Variants in ZNF846 observed in about 807,000 individuals in gnomAD.
ZNF846 encodes the protein zinc finger protein 420 pseudogene.
ZNF846 carries 15 observed loss-of-function variants against 16.0 expected under a neutral mutation model. The observed-to-expected ratio is 0.94, with a 90% CI of 0.63 to 1.45. The LOEUF (loss-of-function observed/expected upper bound fraction) is 1.45. Among genes scored for constraint, ZNF846 ranks in the 40% most tolerant of loss-of-function variants. The probability of loss-of-function intolerance (pLI) is 0.00; values close to 1 mark genes in which losing one functional copy is unlikely to be tolerated. For missense variants in ZNF846, 714 were observed against 622.3 expected (o/e 1.15, Z -1.57); for synonymous variants, 229 against 212.0 (o/e 1.08, Z -0.70).
intron 1 of ZNF846, chr19:9,774,463 G>A (rs1170974925): frequency 3.1e-5 from 25 of 793,848 alleles, no homozygotes; most frequent in African/African-American, 3.5e-5. Context: ...GCAAGACTCC[G>A]TCTCAAAAAA....
chr19:9,775,018 A>G (rs2045424290), intron 1 of ZNF846: 2 of 1,477,542 alleles, frequency 1.4e-6, no homozygotes, highest in East Asian at 2.3e-5. Flanking sequence ...GTGCATTCAG[A>G]CACCCGGCAA....
chr19:9,758,218 A>G (rs748592987), exon 6 of ZNF846: 2 of 1,612,922 alleles, frequency 1.2e-6, no homozygotes, highest in South Asian at 2.2e-5. Context: ...GCTTTCCCAC[A>G]CTCTTTACAT....
At chr19:9,754,616 T>C (rs1252200565), downstream of ZNF846, among the ~76,000 whole-genome samples, 1 of 147,144 alleles carries the variant, frequency 6.8e-6, no homozygotes, top group Admixed American at 6.7e-5. Context: ...TTGGATTGTG[T>C]ATTTTAATCC....
At chr19:9,783,542 A>ATATATATATATAT (rs61553274) in intron 1 of ZNF846, among the ~76,000 whole-genome samples, 38 of 118,382 alleles carry the variant, frequency 3.2e-4, no homozygotes, top group African/African-American at 1.4e-3. Context: ...AAAAAAAAAA[A>ATATATATATATAT]AAATATATAT....
At chr19:9,766,044 T>A (rs2045310340) in intron 1 of ZNF846, among the ~76,000 whole-genome samples, 1 of 152,216 alleles carries the variant, frequency 6.6e-6, no homozygotes, top group Non-Finnish European at 1.5e-5. Context: ...TCTGGCTTCT[T>A]TCAGTCAGCA....
In ZNF846 at chr19:9,763,761, TC is replaced by T. The variant is rs533874487; in HGVS notation, c.16-354del. On this transcript the variant is annotated intron_variant, in intron 2 of 5. Coordinates refer to ENST00000397902, the Ensembl canonical transcript of ZNF846. ...CACAAATTCCTTCAGATTAGACATCTCCATCCCTTTCTTACAATCTGTCATA... is the reference window on the plus strand; with the variant it reads ...CACAAATTCCTTCAGATTAGACATCTCATCCCTTTCTTACAATCTGTCATA... 5.6e-3 allele frequency among the ~76,000 whole-genome samples: 853 copies of T among 152,310 alleles called. 5 individuals carry two copies. Among genetic ancestry groups the T allele is most frequent in the Non-Finnish European group, 7.3e-3 (495 of 68,026 alleles).
downstream of ZNF846, among the ~76,000 whole-genome samples, chr19:9,754,372 T>C (rs902253709): frequency 6.6e-6 from 1 of 151,224 alleles, no homozygotes; most frequent in Non-Finnish European, 1.5e-5. Context: ...TGAGACAGCC[T>C]GGTCAACATG....
At chr19:9,754,563 T>TCAAAAAAAAAAAAA (rs776769152), downstream of ZNF846, among the ~76,000 whole-genome samples, 76 of 83,750 alleles carry the variant, frequency 9.1e-4, 3 homozygotes, top group Middle Eastern at 5.0e-3. Flanking sequence ...AGACTCTGTC[T>TCAAAAAAAAAAAAA]TAAAAAAAAA....
At chr19:9,752,391 T>G (rs2045091249) in exon 6 of ZNF846, 1 of 344,386 alleles carries the variant, frequency 2.9e-6, no homozygotes, top group African/African-American at 2.2e-5. Flanking sequence ...GTGGATCACC[T>G]GAAGTCAGGA....
upstream of ZNF846, among the ~76,000 whole-genome samples, chr19:9,770,020 A>G (rs1568327659): frequency 6.6e-6 from 1 of 151,968 alleles, no homozygotes; most frequent in Non-Finnish European, 1.5e-5. Context: ...AATCCATAAA[A>G]TGCTCTGTGC....
intron 5 of ZNF846, among the ~76,000 whole-genome samples, chr19:9,759,123 A>G (rs962986328): frequency 2.0e-5 from 3 of 151,730 alleles, no homozygotes; most frequent in Non-Finnish European, 4.4e-5. Flanking sequence ...TCAGCCTCCC[A>G]AGTAGCTAGG....
intron 4 of ZNF846, 143 bp from the exon 5 acceptor site, chr19:9,760,085 A>C (rs779734532): frequency 1.7e-6 from 1 of 573,530 alleles, no homozygotes; most frequent in Non-Finnish European, 3.1e-6. Context: ...TGAGGTTAGG[A>C]GTTCAAGACC....
chr19:9,765,053 G>A lies in ZNF846; in HGVS notation c.-85-18C>T. The A allele has an allele frequency of 7.8e-7, 1 of 1,289,120 alleles. No individual in the cohort carries two copies. The highest frequency in any genetic ancestry group is 1.1e-6 in the Non-Finnish European group (1 of 886,418). 79.9% of individuals were successfully genotyped at this position (1,289,120 alleles called of 1,614,324 possible). A position where few individuals can be genotyped will look rare whatever the true frequency, so the allele number is the denominator to read the frequency against. On this transcript the variant is annotated intron_variant, in intron 1 of 5. Coordinates refer to ENST00000397902, the Ensembl canonical transcript of ZNF846. ...AAAATGACCTTTGGAAAAGAATAATGGCATGTCAGTTGGATACATCAAAGA... is the reference window on the plus strand; with the variant it reads ...AAAATGACCTTTGGAAAAGAATAATAGCATGTCAGTTGGATACATCAAAGA...
chr19:9,762,033 C>G, intron 4 of ZNF846, 49 bp downstream of exon 4: 1 of 1,472,894 alleles, frequency 6.8e-7, no homozygotes. Flanking sequence ...TGCATGTCTC[C>G]TAGGGTGGCA....
intron 1 of ZNF846, chr19:9,774,519 T>C: frequency 1.6e-6 from 2 of 1,255,154 alleles, no homozygotes; most frequent in Non-Finnish European, 1.2e-6. Context: ...AGGAGGCTGA[T>C]TAAGAGCTTG....
chr19:9,775,718 A>T (rs2045433906), intron 1 of ZNF846, among the ~76,000 whole-genome samples: 1 of 152,212 alleles, frequency 6.6e-6, no homozygotes, highest in South Asian at 2.1e-4. Context: ...AGGCAGCAGT[A>T]GCTCACTTGG....
At chr19:9,760,962 C>T (rs1038741805) in intron 4 of ZNF846, among the ~76,000 whole-genome samples, 7 of 151,234 alleles carry the variant, frequency 4.6e-5, no homozygotes, top group Non-Finnish European at 7.4e-5. Flanking sequence ...CTTTGGGAGA[C>T]GGAGGCAGGT....
At chr19:9,773,417 T>C (rs771162072), upstream of ZNF846, among the ~76,000 whole-genome samples, 74 of 152,238 alleles carry the variant, frequency 4.9e-4, no homozygotes, top group Non-Finnish European at 9.0e-4. Context: ...GCTGAGTGTG[T>C]GTGTGTGTCT....
rs116808638 is a variant in ZNF846, at chr19:9,757,595, G to A, written c.1482C>T (p.Asn494=). ...CTCCAGTGTGAGTTCGTGTGTGAAC[G>A]TTAAGGTATGTGGAATACCTGAAGG... The change falls in exon 6 of 6, where the codon AAC becomes AAT. Residue 494 remains asparagine, a synonymous_variant. Transcript: ENST00000397902. 1,888 of 1,613,460 alleles carry A rather than the reference G, an allele frequency of 1.2e-3. 74 individuals carry two copies. In the African/African-American group the frequency reaches 0.022, roughly 19 times the overall value.
Sources: gnomAD v4.1 joint callset for allele counts (sites outside exome capture counted in the v4.1 genomes callset) on GRCh38, gnomAD v4.1.1 for gene constraint, MANE v1.5 for transcripts, NCBI Gene and HGNC (gene_info 2026-07-23, HGNC 2026-07-21) for gene names.